The following NLGN1 variants were observed in gnomAD, a reference collection of about 807,000 sequenced individuals.
The protein encoded by NLGN1 is neuroligin 1, also known as neuroligin-1.
In NLGN1, 12 loss-of-function variants were observed where a neutral mutation model predicts 65.5. The ratio of observed to expected loss-of-function variants is 0.18; its 90% CI spans 0.12 to 0.30. The LOEUF (loss-of-function observed/expected upper bound fraction) is 0.30. NLGN1 is among the 10% of genes least tolerant of loss of function. The pLI, the probability that NLGN1 is intolerant of heterozygous loss-of-function variation, is 1.00. For missense variants in NLGN1, 750 were observed against 1,007.1 expected (o/e 0.74, Z 3.46); for synonymous variants, 350 against 359.5 (o/e 0.97, Z 0.30).
chr3:174,052,111 A>G (rs1735028007), intron 4 of NLGN1, among the ~76,000 whole-genome samples: 1 of 152,024 alleles, frequency 6.6e-6, no homozygotes, highest in South Asian at 2.1e-4. Context: ...GCAGCCTCAC[A>G]CCCATATTGA....
intron 4 of NLGN1, among the ~76,000 whole-genome samples, chr3:174,247,284 G>A (rs900985230): frequency 6.6e-6 from 1 of 152,134 alleles, no homozygotes; most frequent in Non-Finnish European, 1.5e-5. Context: ...TATGTGTCAG[G>A]TTCTGAAGAT....
At chr3:173,849,210 T>C (rs1726413812) in intron 4 of NLGN1, among the ~76,000 whole-genome samples, 1 of 152,172 alleles carries the variant, frequency 6.6e-6, no homozygotes, top group South Asian at 2.1e-4. Flanking sequence ...TGACGGTATT[T>C]TTTTTCTTTG....
In NLGN1 at chr3:173,961,522, G is replaced by T. The variant is rs536594159; in HGVS notation, c.646+153690G>T. Among the ~76,000 whole-genome samples, 13 of 152,010 alleles carry T rather than the reference G, an allele frequency of 8.6e-5. No individual in the cohort carries two copies. In the South Asian group the frequency reaches 2.7e-3, roughly 32 times the overall value. On this transcript the variant is annotated intron_variant, in intron 4 of 6. Transcript: ENST00000457714. ...TTATAAAGAAGTCATATATTCATTG[G>T]AATATATGGATATGTAACTAGTTCA...
intron 3 of NLGN1, among the ~76,000 whole-genome samples, chr3:173,772,173 G>T (rs1376921952): frequency 1.3e-5 from 2 of 152,088 alleles, no homozygotes; most frequent in Non-Finnish European, 2.9e-5. Flanking sequence ...GTTAATCAAA[G>T]ATTTGACTAA....
At chr3:174,170,859 C>T (rs1728392908) in intron 4 of NLGN1, among the ~76,000 whole-genome samples, 1 of 152,090 alleles carries the variant, frequency 6.6e-6, no homozygotes, top group African/African-American at 2.4e-5. Context: ...CCCTATTAAG[C>T]CAAATGTTTG....
intron 2 of NLGN1, among the ~76,000 whole-genome samples, chr3:173,602,571 A>G (rs1345281874): frequency 6.6e-6 from 1 of 151,998 alleles, no homozygotes; most frequent in Non-Finnish European, 1.5e-5. Context: ...TTCTAAGTAC[A>G]AAAAAAGGAG....
chr3:173,837,957 G>T (rs193037531), intron 4 of NLGN1, among the ~76,000 whole-genome samples: 7 of 152,062 alleles, frequency 4.6e-5, no homozygotes, highest in Admixed American at 1.3e-4. Context: ...ATATAAACTT[G>T]TATGTTTGAA....
intron 1 of NLGN1, among the ~76,000 whole-genome samples, chr3:173,411,600 A>G (rs1712566368): frequency 6.6e-6 from 1 of 152,182 alleles, no homozygotes; most frequent in African/African-American, 2.4e-5. Context: ...GGGGTTTAGT[A>G]AACATGACTT....
downstream of NLGN1, among the ~76,000 whole-genome samples, chr3:174,288,521 C>T (rs1002905980): frequency 2.6e-5 from 4 of 151,328 alleles, no homozygotes; most frequent in South Asian, 2.1e-4. Flanking sequence ...ATAGCCACAC[C>T]GTCTTCATCG....
At chr3:173,796,613 G>T (rs1021407843) in intron 3 of NLGN1, among the ~76,000 whole-genome samples, 8 of 152,092 alleles carry the variant, frequency 5.3e-5, no homozygotes, top group African/African-American at 1.9e-4. Context: ...TGAGAGTTAT[G>T]TGTGTGTTCC....
chr3:174,289,957 A>ATATATATATATATATATGTG (rs1752563417), downstream of NLGN1, among the ~76,000 whole-genome samples: 2 of 41,568 alleles, frequency 4.8e-5, no homozygotes, highest in Non-Finnish European at 1.0e-4. Flanking sequence ...ATATATGTGT[A>ATATATATATATATATATGTG]TATATATATA....
At chr3:173,469,674 A>T (rs367617786) in intron 2 of NLGN1, among the ~76,000 whole-genome samples, 9 of 151,928 alleles carry the variant, frequency 5.9e-5, no homozygotes, top group African/African-American at 9.6e-5. Context: ...ATGGTGTGTA[A>T]CCACCACGTC....
At chr3:173,918,273 TTAAG>T (rs1382368573) in intron 4 of NLGN1, among the ~76,000 whole-genome samples, 2 of 152,164 alleles carry the variant, frequency 1.3e-5, no homozygotes, top group Non-Finnish European at 2.9e-5. Context: ...CTCACTATTA[TTAAG>T]TATCATTACA....
chr3:173,415,943 A>AGAGAGAGAGCGC (rs141095727), intron 1 of NLGN1, among the ~76,000 whole-genome samples: 1 of 142,890 alleles, frequency 7.0e-6, no homozygotes, highest in African/African-American at 2.8e-5. Context: ...AGAGAGAGAG[A>AGAGAGAGAGCGC]GCTTGGTATA....
intron 3 of NLGN1, among the ~76,000 whole-genome samples, chr3:173,705,072 A>G (rs1311890541): frequency 2.0e-5 from 3 of 152,278 alleles, no homozygotes; most frequent in East Asian, 3.9e-4. Context: ...GTCAAATATT[A>G]TCACTCCCAA....
chr3:173,430,157 G>C (rs565295757), intron 1 of NLGN1, among the ~76,000 whole-genome samples: 143 of 152,238 alleles, frequency 9.4e-4, no homozygotes, highest in African/African-American at 3.3e-3. Context: ...TTTCTGCATA[G>C]TGCCTGGCAG....
intron 2 of NLGN1, among the ~76,000 whole-genome samples, chr3:173,485,002 A>G (rs1268465172): frequency 2.0e-5 from 3 of 151,244 alleles, no homozygotes; most frequent in African/African-American, 4.9e-5. Flanking sequence ...AGACTGAGCA[A>G]TTTTTGAAAG....
intron 3 of NLGN1, among the ~76,000 whole-genome samples, chr3:173,733,815 G>C (rs1014069568): frequency 2.0e-5 from 3 of 152,052 alleles, no homozygotes; most frequent in Admixed American, 6.6e-5. Context: ...GAGGAACACT[G>C]TTTGTGTAAA....
At chr3:173,769,642 G>A (rs190311744) in intron 3 of NLGN1, among the ~76,000 whole-genome samples, 77 of 152,254 alleles carry the variant, frequency 5.1e-4, no homozygotes, top group African/African-American at 1.7e-3. Flanking sequence ...TTCATCCAAG[G>A]CCTGGCACAA....
Sources: allele counts gnomAD v4.1 joint callset (sites outside exome capture counted in the v4.1 genomes callset), GRCh38; gene constraint gnomAD v4.1.1; transcripts MANE v1.5; gene names NCBI Gene and HGNC (gene_info 2026-07-23, HGNC 2026-07-21).